Variants in USP31 observed in about 807,000 individuals in gnomAD.
USP31 encodes the protein ubiquitin specific peptidase 31.
USP31 carries 44 observed loss-of-function variants against 119.4 expected under a neutral mutation model. The observed-to-expected ratio is 0.37, with a 90% confidence interval of 0.29 to 0.47. The LOEUF (loss-of-function observed/expected upper bound fraction) is 0.47. Among genes scored for constraint, USP31 ranks in the 20% least tolerant of loss-of-function variants. The pLI is 0.99. For missense variants in USP31, 1,643 were observed against 1,730.2 expected (o/e 0.95, Z 0.89); for synonymous variants, 749 against 705.6 (o/e 1.06, Z -0.97).
chr16:23,078,537 C>T (rs77496781), intron 13 of USP31, among the ~76,000 whole-genome samples: 59 of 152,170 alleles, frequency 3.9e-4, no homozygotes, highest in African/African-American at 7.7e-4. Flanking sequence ...CCCTCCAGCA[C>T]GCTCTGGCCA....
At chr16:23,124,426 A>G (rs144259119) in intron 1 of USP31, among the ~76,000 whole-genome samples, 10 of 152,366 alleles carry the variant, frequency 6.6e-5, no homozygotes, top group African/African-American at 2.2e-4. Flanking sequence ...CGCCAGGCAC[A>G]TGGATTATCA....
At chr16:23,143,577 G>A (rs1903414213) in intron 1 of USP31, among the ~76,000 whole-genome samples, 1 of 139,986 alleles carries the variant, frequency 7.1e-6, no homozygotes, top group Non-Finnish European at 1.6e-5. Context: ...AAAGAGAGAG[G>A]GAGAGGTTGG....
At chr16:23,104,133 A>G (rs1397328034) in intron 5 of USP31, among the ~76,000 whole-genome samples, 1 of 152,206 alleles carries the variant, frequency 6.6e-6, no homozygotes. Context: ...CCTCTTTCAA[A>G]TAAGGGAGTT....
chr16:23,146,603 AC>A (rs1285523636), intron 1 of USP31, among the ~76,000 whole-genome samples: 1 of 152,150 alleles, frequency 6.6e-6, no homozygotes, highest in Non-Finnish European at 1.5e-5. Flanking sequence ...TCAGTCAAGT[AC>A]TTCCATTCAA....
At chr16:23,084,829 A>T (rs769703736) in intron 11 of USP31, 31 bp downstream of exon 11, 6 of 1,612,846 alleles carry the variant, frequency 3.7e-6, no homozygotes, top group Non-Finnish European at 5.1e-6. Flanking sequence ...CACTGCCCTG[A>T]GCAACCAAGA....
intron 1 of USP31, among the ~76,000 whole-genome samples, chr16:23,132,838 A>G (rs1474562915): frequency 6.6e-6 from 1 of 152,182 alleles, no homozygotes; most frequent in Non-Finnish European, 1.5e-5. Context: ...CCAATCGTCA[A>G]GAGTGCCATC....
At chr16:23,124,307 A>C (rs1190764174) in intron 1 of USP31, among the ~76,000 whole-genome samples, 1 of 152,176 alleles carries the variant, frequency 6.6e-6, no homozygotes, top group Non-Finnish European at 1.5e-5. Context: ...GTACAAAATA[A>C]TATGATCAAG....
chr16:23,131,287 G>A (rs1430240378), intron 1 of USP31, among the ~76,000 whole-genome samples: 5 of 152,144 alleles, frequency 3.3e-5, no homozygotes, highest in East Asian at 1.9e-4. Context: ...GGGCGACAGA[G>A]CAAGACTGTC....
At chr16:23,113,573 T>C (rs763053637) in intron 1 of USP31, among the ~76,000 whole-genome samples, 2 of 152,172 alleles carry the variant, frequency 1.3e-5, no homozygotes, top group African/African-American at 2.4e-5. Context: ...TCCTCCAGAA[T>C]AGCAAATTAA....
At position 23,069,580 on chromosome 16, in the gene USP31, T is replaced by C. The variant is rs1567223969; in HGVS notation, c.2525A>G (p.Gln842Arg). The C allele has an allele frequency of 1.2e-6, 2 of 1,611,712 alleles. No homozygotes were observed. Among genetic ancestry groups the C allele is most frequent in the Non-Finnish European group, 1.7e-6 (2 of 1,177,970 alleles). ...FSTRPFVRSV[Q>R]RQSLSSRSSV... ...AGATCTGGATGACAAACTCTGACGCTGGACACTTCTCACAAATGGTCGAGT... is the reference window on the plus strand; with the variant it reads ...AGATCTGGATGACAAACTCTGACGCCGGACACTTCTCACAAATGGTCGAGT... The change falls in exon 16 of 16, where the codon CAG becomes CGG. Residue 842 changes from glutamine (Q) to arginine (R), a missense_variant. Gln to Arg is a conservative substitution (Grantham distance 43). Transcript: ENST00000219689.
At chr16:23,137,813 G>C (rs1251017055) in intron 1 of USP31, among the ~76,000 whole-genome samples, 1 of 150,852 alleles carries the variant, frequency 6.6e-6, no homozygotes, top group African/African-American at 2.4e-5. Flanking sequence ...AAAAAGAGTA[G>C]GGAGGAAAAC....
chr16:23,130,004 C>T (rs1405736593), intron 1 of USP31, among the ~76,000 whole-genome samples: 2 of 152,150 alleles, frequency 1.3e-5, no homozygotes, highest in Non-Finnish European at 2.9e-5. Flanking sequence ...ATATTAGGCA[C>T]TTTACATACA....
At chr16:23,121,860 G>T (rs935790421) in intron 1 of USP31, among the ~76,000 whole-genome samples, 1 of 152,034 alleles carries the variant, frequency 6.6e-6, no homozygotes, top group Non-Finnish European at 1.5e-5. Context: ...GAATTTCCTC[G>T]TTTTATATAG....
chr16:23,102,140 C>T (rs988640812), intron 6 of USP31, among the ~76,000 whole-genome samples, 179 bp downstream of exon 6: 1 of 151,994 alleles, frequency 6.6e-6, no homozygotes, highest in Non-Finnish European at 1.5e-5. Flanking sequence ...TAAGAGCTGC[C>T]TTCTTCTAGG....
rs777306693 is a variant in USP31, at chr16:23,087,293, G to A, written c.1528-107C>T. 73 of 912,756 alleles carry A rather than the reference G, an allele frequency of 8.0e-5. 1 individual carries two copies. Among genetic ancestry groups the A allele is most frequent in the Non-Finnish European group, 1.0e-4 (61 of 594,790 alleles). 56.5% of individuals were successfully genotyped at this position (912,756 alleles called of 1,614,324 possible). A position where few individuals can be genotyped will look rare whatever the true frequency, so the allele number is the denominator to read the frequency against. ...AGAGTTACAGTAAACTGTTTATTCT[G>A]CAAAATGCTTCACTATAAGATTCTA... is the stretch of plus-strand genomic sequence containing the variant. On this transcript the variant is annotated intron_variant, in intron 8 of 15. Coordinates refer to ENST00000219689, the MANE Select transcript of USP31 (RefSeq NM_020718.4).
intron 1 of USP31, among the ~76,000 whole-genome samples, chr16:23,109,841 CAAAAA>C (rs60568760): frequency 9.1e-6 from 1 of 110,210 alleles, no homozygotes; most frequent in African/African-American, 3.4e-5. Flanking sequence ...GACATTCTAC[CAAAAA>C]AAAAAAAAAA....
chr16:23,084,770 C>T (rs1901020959), intron 11 of USP31, 90 bp downstream of exon 11: 1 of 1,556,688 alleles, frequency 6.4e-7, no homozygotes, highest in Admixed American at 1.8e-5. Flanking sequence ...GCGGCGACTT[C>T]TGGGGCGTGA....
At chr16:23,124,511 T>A (rs1178916093) in intron 1 of USP31, among the ~76,000 whole-genome samples, 2 of 152,106 alleles carry the variant, frequency 1.3e-5, no homozygotes, top group African/African-American at 2.4e-5. Context: ...CGGGACATAC[T>A]CGTCAGTGAG....
rs940886680 is a variant in USP31 at position 23,073,679 on chromosome 16, T to G, written c.2335+43A>C. On this transcript the variant is annotated intron_variant, in intron 14 of 15. Transcript: ENST00000219689. ...TCCTCTAGACCATTCATTACAATCTTTTGCTCTGGAAAAAACTGCCCAAGA... is the reference window on the plus strand; with the variant it reads ...TCCTCTAGACCATTCATTACAATCTGTTGCTCTGGAAAAAACTGCCCAAGA... 14 of 1,601,286 alleles carry G rather than the reference T, an allele frequency of 8.7e-6. No homozygotes were observed. The African/African-American group carries it at 1.7e-4, about 20-fold the overall frequency.
Sources: allele counts gnomAD v4.1 joint callset (sites outside exome capture counted in the v4.1 genomes callset), GRCh38; gene constraint gnomAD v4.1.1; transcripts MANE v1.5; gene names NCBI Gene and HGNC (gene_info 2026-07-23, HGNC 2026-07-21).